KNSTRN: variants seen among roughly 807,000 people sequenced by gnomAD.
KNSTRN encodes the protein small kinetochore-associated protein.
A neutral mutation model predicts 44.7 loss-of-function variants in KNSTRN; 38 were observed. That is an observed-to-expected ratio of 0.85 (90% CI 0.66 to 1.11). The LOEUF (loss-of-function observed/expected upper bound fraction) is 1.11. KNSTRN is among the 50% of genes most tolerant of loss of function. The pLI, the probability that KNSTRN is intolerant of heterozygous loss-of-function variation, is 0.00. For missense variants in KNSTRN, 406 were observed against 375.8 expected (o/e 1.08, Z -0.66); for synonymous variants, 158 against 148.1 (o/e 1.07, Z -0.48).
intron 6 of KNSTRN, among the ~76,000 whole-genome samples, 172 bp from the exon 7 acceptor site, chr15:40,391,321 G>T (rs1489305987): frequency 6.6e-6 from 1 of 152,212 alleles, no homozygotes; most frequent in African/African-American, 2.4e-5. Context: ...GTTTTGCAGG[G>T]CAGATATGGG....
chr15:40,383,079 T>C (rs1381577890), intron 1 of KNSTRN, 35 bp downstream of exon 1: 6 of 1,603,788 alleles, frequency 3.7e-6, no homozygotes, highest in Non-Finnish European at 4.3e-6. Flanking sequence ...CTGGGCTGGA[T>C]GGGAGGAAGG....
rs1890034835 is a variant in KNSTRN at position 40,393,310 on chromosome 15, A to G, written c.823-159A>G. 5 of 1,607,862 alleles carry G rather than the reference A, an allele frequency of 3.1e-6. No individual in the cohort carries two copies. In the East Asian group the frequency reaches 6.7e-5, roughly 22 times the overall value. ...GAGGGACAATTCCTAAAACCAGTGC[A>G]TAGAAATAAAATCTAAAATAGAAGA... On this transcript the variant is annotated intron_variant, in intron 8 of 8. Coordinates refer to ENST00000249776, the MANE Select transcript of KNSTRN (RefSeq NM_033286.4).
chr15:40,392,084 C>G, intron 8 of KNSTRN, 61 bp downstream of exon 8: 1 of 993,232 alleles, frequency 1.0e-6, no homozygotes, highest in Non-Finnish European at 1.5e-6. Flanking sequence ...ATAGTGGGGT[C>G]TTTTCTGTTT....
At chr15:40,387,027 C>T in intron 3 of KNSTRN, 132 bp from the exon 4 acceptor site, 1 of 723,398 alleles carries the variant, frequency 1.4e-6, no homozygotes, top group Non-Finnish European at 2.5e-6. Context: ...TCTCAGAGCT[C>T]TTAAGCTTGT....
At chr15:40,392,114 A>C in intron 8 of KNSTRN, 91 bp downstream of exon 8, 1 of 775,440 alleles carries the variant, frequency 1.3e-6, no homozygotes, top group East Asian at 3.1e-5. Flanking sequence ...TTTTTAATAA[A>C]CTTTCTAAAT....
At position 40,382,904 on chromosome 15, in the gene KNSTRN, T is replaced by G; in HGVS notation, c.69T>G (p.Asp23Glu). The change falls in exon 1 of 9, where the codon GAT becomes GAG. Residue 23 changes from aspartate (D) to glutamate (E), a missense_variant. Physicochemically the swap from Asp to Glu is conservative, Grantham distance 45 (BLOSUM62 2). Transcript: ENST00000249776. ...FRTTWLSTEC[D>E]SHPLPPSYRK... ...CAACATGGCTGTCTACAGAGTGCGATTCCCACCCACTTCCGCCTAGCTACC... is the reference window on the plus strand; with the variant it reads ...CAACATGGCTGTCTACAGAGTGCGAGTCCCACCCACTTCCGCCTAGCTACC... 1 of 1,612,288 alleles carries G rather than the reference T, an allele frequency of 6.2e-7. No individual in the cohort carries two copies. The highest frequency in any genetic ancestry group is 8.5e-7 in the Non-Finnish European group (1 of 1,180,024).
chr15:40,387,082 T>C, intron 3 of KNSTRN, 77 bp from the exon 4 acceptor site: 1 of 1,074,702 alleles, frequency 9.3e-7, no homozygotes, highest in Non-Finnish European at 1.4e-6. Flanking sequence ...AAACTCAAGC[T>C]CTTTGTTCTG....
At chr15:40,384,361 G>C (rs1051429642) in intron 2 of KNSTRN, 36 of 425,348 alleles carry the variant, frequency 8.5e-5, no homozygotes, top group Non-Finnish European at 1.2e-4. Flanking sequence ...GCGACAGAGC[G>C]AGACTCCGTC....
chr15:40,382,725 G>A lies in KNSTRN; in HGVS notation c.-111G>A. 1.1e-6 allele frequency: 1 copy of A among 910,134 alleles called. No homozygotes were observed. The highest frequency in any genetic ancestry group is 1.7e-6 in the Non-Finnish European group (1 of 603,292). The allele number at this position is 910,134 out of a possible 1,614,324, so 56.4% of individuals were successfully genotyped here. On this transcript the variant is annotated 5_prime_UTR_variant, in exon 1 of 9. Coordinates refer to ENST00000249776, the MANE Select transcript of KNSTRN (RefSeq NM_033286.4). ...GGAATATGACGCTGGTAGCTCATTA[G>A]CTCCATTCAAGCCTACAAATTGCAT...
intron 2 of KNSTRN, 133 bp downstream of exon 2, chr15:40,383,455 A>C: frequency 3.1e-6 from 2 of 644,430 alleles, no homozygotes; most frequent in Non-Finnish European, 5.4e-6. Context: ...GCCCCCTATA[A>C]CCAGGCTATG....
intron 4 of KNSTRN, among the ~76,000 whole-genome samples, chr15:40,388,125 C>T (rs1001817315): frequency 4.6e-5 from 7 of 152,174 alleles, no homozygotes; most frequent in African/African-American, 1.7e-4. Context: ...AACCCAGCGG[C>T]GCTAGAGGAA....
intron 1 of KNSTRN, 63 bp from the exon 2 acceptor site, chr15:40,383,165 G>A: frequency 6.3e-7 from 1 of 1,582,444 alleles, no homozygotes; most frequent in South Asian, 1.1e-5. Context: ...GCTATCCCCG[G>A]GCCCTCCACT....
intron 8 of KNSTRN, among the ~76,000 whole-genome samples, 199 bp downstream of exon 8, chr15:40,392,222 C>T (rs887681600): frequency 6.6e-6 from 1 of 151,004 alleles, no homozygotes; most frequent in Non-Finnish European, 1.5e-5. Context: ...CAGGGGTACA[C>T]GTACAGGGTG....
chr15:40,388,232 G>A (rs976797518), intron 4 of KNSTRN, among the ~76,000 whole-genome samples: 6 of 152,280 alleles, frequency 3.9e-5, no homozygotes, highest in Non-Finnish European at 7.3e-5. Context: ...ATTTGCCCAC[G>A]TATTTATTAA....
chr15:40,391,954 G>A lies in KNSTRN; in HGVS notation c.753G>A (p.Leu251=), dbSNP rs181731710. The A allele has an allele frequency of 5.6e-6, 9 of 1,607,522 alleles. No individual in the cohort carries two copies. The African/African-American group carries it at 1.1e-4, about 19-fold the overall frequency. ...ACATTGTGCTTTCCTCTTAGTTGCT[G>A]TTAGAAACTTTGCAAGAGGAGCTGA... ...STTDHMDSML[L]LETLQEELKL... Residue 251 remains leucine, a synonymous_variant, in exon 8 of 9, where the codon CTG becomes CTA. Transcript: ENST00000249776.
intron 4 of KNSTRN, among the ~76,000 whole-genome samples, chr15:40,388,677 G>A (rs990139061): frequency 3.3e-5 from 5 of 149,638 alleles, no homozygotes; most frequent in East Asian, 2.0e-4. Context: ...CCTGGGCGAC[G>A]GAGCGAGACT....
chr15:40,391,078 G>A (rs777571152), intron 6 of KNSTRN, among the ~76,000 whole-genome samples: 7 of 152,076 alleles, frequency 4.6e-5, no homozygotes, highest in Non-Finnish European at 1.0e-4. Context: ...CACCACATCC[G>A]ACACCATAAA....
intron 2 of KNSTRN, 200 bp downstream of exon 2, chr15:40,383,522 T>C (rs906936300): frequency 1.1e-5 from 6 of 564,410 alleles, no homozygotes; most frequent in Non-Finnish European, 1.6e-5. Flanking sequence ...AGACGTGCTC[T>C]GCACTTTTCT....
At chr15:40,384,452 C>T (rs754018077) in intron 2 of KNSTRN, 8 of 455,716 alleles carry the variant, frequency 1.8e-5, no homozygotes, top group Non-Finnish European at 3.1e-5. Context: ...CTTGTGTTGC[C>T]GCAGAACACC....
Sources: gnomAD v4.1 joint callset for allele counts (sites outside exome capture counted in the v4.1 genomes callset) on GRCh38, gnomAD v4.1.1 for gene constraint, MANE v1.5 for transcripts, NCBI Gene and HGNC (gene_info 2026-07-23, HGNC 2026-07-21) for gene names.